Variants in RNLS observed in about 807,000 individuals in gnomAD.
The protein encoded by RNLS is renalase, FAD dependent amine oxidase, also known as renalase.
RNLS carries 39 observed loss-of-function variants against 39.8 expected under a neutral mutation model. That is an observed-to-expected ratio of 0.98 (90% CI 0.76 to 1.28). The LOEUF is 1.28. Among genes scored for constraint, RNLS ranks in the 50% most tolerant of loss-of-function variants. The probability of loss-of-function intolerance (pLI) is 0.00; values close to 1 mark genes in which losing one functional copy is unlikely to be tolerated. For missense variants in RNLS, 410 were observed against 413.3 expected, an observed-to-expected ratio of 0.99 and a Z score of 0.07; for synonymous variants, 147 against 150.7, an observed-to-expected ratio of 0.98 and a Z score of 0.18.
intron 6 of RNLS, among the ~76,000 whole-genome samples, chr10:88,288,847 G>A (rs1200670885): frequency 2.0e-5 from 3 of 152,192 alleles, no homozygotes; most frequent in Non-Finnish European, 2.9e-5. Flanking sequence ...AAAACATGGA[G>A]CATGTATTGG....
intron 4 of RNLS, among the ~76,000 whole-genome samples, chr10:88,398,391 A>G (rs930548157): frequency 1.3e-5 from 2 of 152,012 alleles, no homozygotes; most frequent in African/African-American, 2.4e-5. Context: ...GTAGGTGGAT[A>G]GTGGCCCAGA....
At chr10:88,255,386 C>T in the RNLS span, among the ~76,000 whole-genome samples, 1 of 152,178 alleles carries the variant, frequency 6.6e-6, no homozygotes, top group African/African-American at 2.4e-5. Context: ...GCATGTCTGC[C>T]TCCTTAGAGA....
At chr10:88,396,878 T>C (rs1252917480) in intron 4 of RNLS, among the ~76,000 whole-genome samples, 7 of 151,770 alleles carry the variant, frequency 4.6e-5, no homozygotes, top group Non-Finnish European at 4.4e-5. Context: ...AATCCCTTAC[T>C]AGAGACAAGA....
the RNLS span, among the ~76,000 whole-genome samples, chr10:88,191,063 C>G: frequency 6.6e-6 from 1 of 152,244 alleles, no homozygotes; most frequent in Non-Finnish European, 1.5e-5. Flanking sequence ...TTAGACCCAG[C>G]TGGCTTGGCT....
At chr10:88,372,637 C>T (rs1380391255) in intron 4 of RNLS, among the ~76,000 whole-genome samples, 1 of 152,122 alleles carries the variant, frequency 6.6e-6, no homozygotes, top group Non-Finnish European at 1.5e-5. Context: ...GATTAGTTAA[C>T]TCAAGCAACA....
At chr10:88,293,909 T>A (rs1286121256) in intron 6 of RNLS, among the ~76,000 whole-genome samples, 1 of 152,192 alleles carries the variant, frequency 6.6e-6, no homozygotes, top group Non-Finnish European at 1.5e-5. Context: ...AAAAATGGAA[T>A]GAAATCTTGT....
rs1850529498 is a variant in RNLS at position 88,371,169 on chromosome 10, C to G, written c.527-8444G>C. Among the ~76,000 whole-genome samples the G allele has an allele frequency of 2.0e-5, 3 of 151,756 alleles. No homozygotes were observed. In the South Asian group the frequency reaches 6.4e-4, roughly 32 times the overall value. ...AAATAAGAGTAATAATACTGCCTGC[C>G]TTAAAGATTGTTAAAAAAAATTAAA... On this transcript the variant is annotated intron_variant, in intron 4 of 6. Coordinates refer to ENST00000331772, the MANE Select transcript of RNLS (RefSeq NM_001031709.3).
At chr10:88,419,929 G>C (rs1854293259) in intron 4 of RNLS, among the ~76,000 whole-genome samples, 1 of 151,986 alleles carries the variant, frequency 6.6e-6, no homozygotes, top group Admixed American at 6.6e-5. Flanking sequence ...TGAATCGCTT[G>C]AACCTGGGAG....
At chr10:88,423,439 T>A (rs1232661832) in intron 4 of RNLS, among the ~76,000 whole-genome samples, 3 of 152,180 alleles carry the variant, frequency 2.0e-5, no homozygotes, top group Non-Finnish European at 1.5e-5. Flanking sequence ...TGGACAAAGA[T>A]TAACTTTGTT....
chr10:88,336,476 T>C (rs1034769400), intron 5 of RNLS, among the ~76,000 whole-genome samples: 1 of 152,194 alleles, frequency 6.6e-6, no homozygotes, highest in Non-Finnish European at 1.5e-5. Context: ...GGCATTTAGT[T>C]AAATATAAAC....
intron 4 of RNLS, among the ~76,000 whole-genome samples, chr10:88,513,330 A>G (rs1219081270): frequency 6.6e-6 from 1 of 152,166 alleles, no homozygotes; most frequent in Non-Finnish European, 1.5e-5. Flanking sequence ...CATAATATGG[A>G]TGCACTATCA....
chr10:88,344,979 C>A (rs900080104), intron 5 of RNLS, among the ~76,000 whole-genome samples: 2 of 152,008 alleles, frequency 1.3e-5, no homozygotes, highest in Non-Finnish European at 2.9e-5. Context: ...TAAATGAGCA[C>A]ATATATGGAA....
At chr10:88,534,672 A>G in intron 4 of RNLS, among the ~76,000 whole-genome samples, 1 of 152,166 alleles carries the variant, frequency 6.6e-6, no homozygotes, top group South Asian at 2.1e-4. Flanking sequence ...ATAACAGTAT[A>G]GTTCCTGGAC....
chr10:88,338,691 T>C (rs562460183), intron 5 of RNLS, among the ~76,000 whole-genome samples: 5 of 152,286 alleles, frequency 3.3e-5, no homozygotes, highest in African/African-American at 9.6e-5. Context: ...TTGAGTTATC[T>C]TCATGAATCA....
chr10:88,456,696 T>C (rs1179015716), intron 4 of RNLS, among the ~76,000 whole-genome samples: 2 of 152,172 alleles, frequency 1.3e-5, no homozygotes, highest in Admixed American at 6.6e-5. Context: ...ATGAGTCCTA[T>C]AATGCAGCAG....
At chr10:88,442,684 T>G (rs10749586) in intron 4 of RNLS, among the ~76,000 whole-genome samples, 78,124 of 151,704 alleles carry the variant, frequency 0.51, 20,661 homozygotes, top group African/African-American at 0.65. Context: ...TACTTGCCCC[T>G]GAGGATTCTT....
chr10:88,210,982 T>A, the RNLS span, among the ~76,000 whole-genome samples: 2 of 152,070 alleles, frequency 1.3e-5, no homozygotes, highest in Admixed American at 6.6e-5. Flanking sequence ...AGTCCCCAAA[T>A]AGTAGTATAT....
chr10:88,508,813 A>G (rs1845933376), intron 4 of RNLS, among the ~76,000 whole-genome samples: 1 of 148,998 alleles, frequency 6.7e-6, no homozygotes, highest in Non-Finnish European at 1.5e-5. Context: ...AAATTTAAGG[A>G]AAAAAAAAGA....
chr10:88,317,005 AG>A (rs1400033650), intron 5 of RNLS, among the ~76,000 whole-genome samples: 2 of 152,214 alleles, frequency 1.3e-5, no homozygotes, highest in Non-Finnish European at 2.9e-5. Context: ...ATATGTTAAT[AG>A]GATCTAGAGC....
Sources: gnomAD v4.1 joint callset for allele counts (sites outside exome capture counted in the v4.1 genomes callset) on GRCh38, gnomAD v4.1.1 for gene constraint, MANE v1.5 for transcripts, NCBI Gene and HGNC (gene_info 2026-07-23, HGNC 2026-07-21) for gene names.